Variants in TRMT11 observed in about 807,000 individuals in gnomAD.
TRMT11 encodes tRNA methyltransferase 11, also known as tRNA (guanine(10)-N(2))-methyltransferase TRMT11.
A neutral mutation model predicts 62.8 loss-of-function variants in TRMT11; 53 were observed. The ratio of observed to expected loss-of-function variants is 0.84; its 90% confidence interval spans 0.68 to 1.06. TRMT11 has a LOEUF of 1.06. Ranked by LOEUF, TRMT11 falls within the 50% of genes least tolerant of loss-of-function variation. The pLI, the probability that TRMT11 is intolerant of heterozygous loss-of-function variation, is 0.00. For missense variants in TRMT11, 556 were observed against 553.4 expected, an observed-to-expected ratio of 1.00 and a Z score of -0.05; for synonymous variants, 188 against 190.3, an observed-to-expected ratio of 0.99 and a Z score of 0.10.
intron 17 of TRMT11, among the ~76,000 whole-genome samples, chr6:126,060,208 G>A (rs551383068): frequency 1.5e-4 from 23 of 152,110 alleles, no homozygotes; most frequent in Non-Finnish European, 2.6e-4. Flanking sequence ...TTCTTCATGC[G>A]GTGGACCTGG....
chr6:126,112,228 G>T (rs1777540272), intron 17 of TRMT11, among the ~76,000 whole-genome samples: 1 of 152,068 alleles, frequency 6.6e-6, no homozygotes, highest in African/African-American at 2.4e-5. Context: ...TGAGCTATTT[G>T]TTCAGTGATT....
the TRMT11 span, among the ~76,000 whole-genome samples, chr6:126,250,579 G>A: frequency 6.6e-6 from 1 of 152,118 alleles, no homozygotes; most frequent in African/African-American, 2.4e-5. Flanking sequence ...GATGAGGCAA[G>A]CATCAAAAAC....
the TRMT11 span, among the ~76,000 whole-genome samples, chr6:126,263,947 T>C: frequency 3.3e-5 from 5 of 152,198 alleles, no homozygotes; most frequent in Admixed American, 3.3e-4. Context: ...GTCATTAATA[T>C]TAGTTTGTTT....
chr6:126,114,103 A>C (rs1485341900), intron 18 of TRMT11, among the ~76,000 whole-genome samples: 1 of 152,132 alleles, frequency 6.6e-6, no homozygotes, highest in African/African-American at 2.4e-5. Flanking sequence ...ATTTCATGTC[A>C]TGATGAAGGC....
intron 21 of TRMT11, among the ~76,000 whole-genome samples, chr6:126,140,181 G>A (rs987989340): frequency 6.6e-6 from 1 of 151,406 alleles, no homozygotes. Context: ...TGGAGAATTG[G>A]TAGGTTCTCT....
chr6:126,179,084 C>G (rs540178762), intron 1 of TRMT11, among the ~76,000 whole-genome samples: 1 of 152,176 alleles, frequency 6.6e-6, no homozygotes, highest in African/African-American at 2.4e-5. Context: ...TCAGCTCCCC[C>G]ACCCACCTGC....
chr6:126,068,884 C>T (rs1347103598), intron 17 of TRMT11, among the ~76,000 whole-genome samples: 1 of 152,142 alleles, frequency 6.6e-6, no homozygotes, highest in Admixed American at 6.6e-5. Flanking sequence ...TGACAATATG[C>T]CCGGTCTACC....
the TRMT11 span, among the ~76,000 whole-genome samples, chr6:126,247,766 G>A: frequency 3.3e-5 from 5 of 151,726 alleles, no homozygotes; most frequent in African/African-American, 4.8e-5. Flanking sequence ...TAGAAGATCC[G>A]TCGGGGAAAG....
At chr6:126,151,034 G>A (rs1778032443) in intron 21 of TRMT11, among the ~76,000 whole-genome samples, 1 of 152,096 alleles carries the variant, frequency 6.6e-6, no homozygotes, top group Non-Finnish European at 1.5e-5. Flanking sequence ...CTTAAGAAAG[G>A]ACTTTAATTT....
chr6:126,111,417 A>G (rs1037530375), intron 17 of TRMT11, among the ~76,000 whole-genome samples: 2 of 152,074 alleles, frequency 1.3e-5, no homozygotes, highest in Non-Finnish European at 2.9e-5. Flanking sequence ...TGTCTACCTT[A>G]GACACCCCCC....
chr6:126,226,365 A>C, the TRMT11 span, among the ~76,000 whole-genome samples: 31 of 152,232 alleles, frequency 2.0e-4, no homozygotes, highest in Non-Finnish European at 4.1e-4. Flanking sequence ...AGACCTTGCC[A>C]ATCCCAATAT....
intron 17 of TRMT11, among the ~76,000 whole-genome samples, chr6:126,090,084 G>T (rs528279189): frequency 6.6e-6 from 1 of 152,112 alleles, no homozygotes; most frequent in Non-Finnish European, 1.5e-5. Flanking sequence ...CCTCCAAGAC[G>T]CTCAGACATC....
the TRMT11 span, among the ~76,000 whole-genome samples, chr6:126,226,887 C>T: frequency 9.3e-4 from 141 of 152,214 alleles, no homozygotes; most frequent in African/African-American, 3.2e-3. Flanking sequence ...GGGCAGGTCT[C>T]CTGTGCTGTT....
intron 17 of TRMT11, among the ~76,000 whole-genome samples, chr6:126,054,447 T>A (rs1377881227): frequency 6.6e-6 from 1 of 152,210 alleles, no homozygotes; most frequent in Non-Finnish European, 1.5e-5. Flanking sequence ...GAAACCTTCC[T>A]GACCCTGACT....
chr6:126,036,186 A>G (rs1190051310), intron 12 of TRMT11, among the ~76,000 whole-genome samples: 1 of 152,132 alleles, frequency 6.6e-6, no homozygotes, highest in African/African-American at 2.4e-5. Flanking sequence ...ACCTGACTGC[A>G]TTCTGATTCC....
intron 17 of TRMT11, among the ~76,000 whole-genome samples, chr6:126,112,581 A>G (rs1777544009): frequency 6.6e-6 from 1 of 152,140 alleles, no homozygotes; most frequent in African/African-American, 2.4e-5. Context: ...TGGCCTTGCC[A>G]TCTGCAATGA....
At chr6:126,110,205 G>A (rs1562325052) in intron 17 of TRMT11, among the ~76,000 whole-genome samples, 1 of 152,018 alleles carries the variant, frequency 6.6e-6, no homozygotes, top group Non-Finnish European at 1.5e-5. Context: ...GGCTTTTTTG[G>A]GGGGCATTTA....
At position 126,112,817 on chromosome 6, in the gene TRMT11, AT is replaced by A. The variant is rs544961877; in HGVS notation, c.*1438-39del. On this transcript the variant is annotated intron_variant and NMD_transcript_variant, in intron 17 of 22. Coordinates refer to the TRMT11 transcript ENST00000648977. ...CTTTCAGTCATTGACTGTTACTGAG[AT>A]TTTTTTTTTCATGAAATCAGAGTTT... is the stretch of plus-strand genomic sequence containing the variant. Among the ~76,000 whole-genome samples the A allele has an allele frequency of 6.3e-3, 947 of 149,714 alleles. 11 individuals are homozygous for A. The highest frequency in any genetic ancestry group is 0.024 in the Admixed American group (357 of 14,954).
At chr6:126,163,317 CAT>C (rs1778218906) in intron 21 of TRMT11, among the ~76,000 whole-genome samples, 1 of 152,260 alleles carries the variant, frequency 6.6e-6, no homozygotes, top group African/African-American at 2.4e-5. Context: ...TTGAGATAAT[CAT>C]GTGGTTTTTG....
Sources: allele counts gnomAD v4.1 joint callset (sites outside exome capture counted in the v4.1 genomes callset), GRCh38; gene constraint gnomAD v4.1.1; transcripts MANE v1.5; gene names NCBI Gene and HGNC (gene_info 2026-07-23, HGNC 2026-07-21).